INPP4B: variants seen among roughly 807,000 people sequenced by gnomAD.
The protein encoded by INPP4B is inositol polyphosphate 4-phosphatase type II.
Under a neutral mutation model 122.5 loss-of-function variants are expected in INPP4B, and 55 were observed. The observed-to-expected ratio is 0.45, with a 90% CI of 0.36 to 0.56. INPP4B has a LOEUF of 0.56. Among genes scored for constraint, INPP4B ranks in the 20% least tolerant of loss-of-function variants. The pLI is 0.00. For missense variants in INPP4B, 1,000 were observed against 1,097.7 expected (o/e 0.91, Z 1.26); for synonymous variants, 403 against 388.7 (o/e 1.04, Z -0.43).
In INPP4B at chr4:142,429,255, T is replaced by C. The variant is rs761046595; in HGVS notation, c.92-38A>G. The stretch of plus-strand genomic sequence containing the variant: ...GGAGCAAATTCAGATTTTTAAAAAA[T>C]TGAATTATCAAGAATATGTCAATAT... On this transcript the variant is annotated intron_variant, in intron 4 of 25. Transcript: ENST00000262992. 3 of 1,138,524 alleles carry C rather than the reference T, an allele frequency of 2.6e-6. No homozygotes were observed. The highest frequency in any genetic ancestry group is 1.9e-5 in the Admixed American group (1 of 52,262). The allele number at this position is 1,138,524 out of a possible 1,614,324, so 70.5% of individuals were successfully genotyped here. A position where few individuals can be genotyped will look rare whatever the true frequency, so the allele number is the denominator to read the frequency against.
In INPP4B at chr4:142,028,717, G is replaced by C; in HGVS notation, c.*65C>G. 1 of 1,507,578 alleles carries C rather than the reference G, an allele frequency of 6.6e-7. No homozygotes were observed. The highest frequency in any genetic ancestry group is 9.0e-7 in the Non-Finnish European group (1 of 1,116,072). The allele number at this position is 1,507,578 out of a possible 1,614,324, so 93.4% of individuals were successfully genotyped here. ...CATGACAATAAAAACAAACAAAAAAGACCAAGGTGAAGATTATCCAACTGA... is the reference window on the plus strand; with the variant it reads ...CATGACAATAAAAACAAACAAAAAACACCAAGGTGAAGATTATCCAACTGA... On this transcript the variant is annotated 3_prime_UTR_variant, in exon 26 of 26. Transcript: ENST00000262992.
At chr4:142,061,808 G>A (rs1008110637) in intron 25 of INPP4B, among the ~76,000 whole-genome samples, 1 of 146,496 alleles carries the variant, frequency 6.8e-6, no homozygotes, top group African/African-American at 2.6e-5. Flanking sequence ...TATTAATATA[G>A]AAAATATAAA....
At chr4:142,185,885 T>TAAAA (rs10632593) in intron 15 of INPP4B, among the ~76,000 whole-genome samples, 2,380 of 129,822 alleles carry the variant, frequency 0.018, 90 homozygotes, top group African/African-American at 0.039. Context: ...TCTCAAAACA[T>TAAAA]AAAAAAAAAA....
intron 1 of INPP4B, among the ~76,000 whole-genome samples, chr4:142,748,956 A>G (rs1304461607): frequency 1.3e-5 from 2 of 151,800 alleles, no homozygotes; most frequent in Non-Finnish European, 2.9e-5. Context: ...CCTGGCTAAC[A>G]TGGCAAAACC....
intron 1 of INPP4B, among the ~76,000 whole-genome samples, chr4:142,756,803 A>G (rs567892158): frequency 6.6e-6 from 1 of 152,236 alleles, no homozygotes; most frequent in East Asian, 1.9e-4. Flanking sequence ...GGCACATGAA[A>G]TTGAAAACAA....
chr4:142,651,000 A>C (rs1055709312), intron 2 of INPP4B, among the ~76,000 whole-genome samples: 1 of 152,230 alleles, frequency 6.6e-6, no homozygotes, highest in Non-Finnish European at 1.5e-5. Flanking sequence ...ATGCAAATGA[A>C]CAGAAATCAC....
At chr4:142,510,050 G>A (rs1034547742) in intron 2 of INPP4B, among the ~76,000 whole-genome samples, 2 of 152,118 alleles carry the variant, frequency 1.3e-5, no homozygotes, top group Non-Finnish European at 2.9e-5. Flanking sequence ...TTATTTTTAT[G>A]ATAACTTTAG....
chr4:142,584,440 C>T (rs2217017), intron 2 of INPP4B, among the ~76,000 whole-genome samples: 91,195 of 151,932 alleles, frequency 0.6, 28,787 homozygotes, highest in East Asian at 0.79. Flanking sequence ...CATTGTATCT[C>T]CTTGGGATCC....
At chr4:142,548,780 C>CAT (rs141009965) in intron 2 of INPP4B, among the ~76,000 whole-genome samples, 17,766 of 149,592 alleles carry the variant, frequency 0.12, 1,116 homozygotes, top group African/African-American at 0.15. Context: ...TGTGTGTATA[C>CAT]ATATATATAT....
chr4:142,793,359 C>T (rs1776811240), intron 1 of INPP4B, among the ~76,000 whole-genome samples: 1 of 152,078 alleles, frequency 6.6e-6, no homozygotes, highest in African/African-American at 2.4e-5. Flanking sequence ...CCAATATTTA[C>T]CCACAATAGA....
At chr4:142,689,179 G>T (rs1759793691) in intron 2 of INPP4B, among the ~76,000 whole-genome samples, 1 of 152,150 alleles carries the variant, frequency 6.6e-6, no homozygotes, top group Admixed American at 6.6e-5. Context: ...TGTCTAGGCA[G>T]CGGGCAAGGA....
rs151075198 is a variant in INPP4B, at chr4:142,234,557, C to G, written c.836+3307G>C. 2.6e-3 allele frequency among the ~76,000 whole-genome samples: 396 copies of G among 152,172 alleles called. 3 individuals are homozygous for G. The highest frequency in any genetic ancestry group is 4.4e-3 in the Non-Finnish European group (298 of 68,000). On this transcript the variant is annotated intron_variant, in intron 12 of 25. Coordinates refer to ENST00000262992, the MANE Select transcript of INPP4B (RefSeq NM_001101669.3). ...CTCCAGGAAGAATTTTAAAAATCTCCTTTTCGTTATAAAATGTTAAACATT... is the reference window on the plus strand; with the variant it reads ...CTCCAGGAAGAATTTTAAAAATCTCGTTTTCGTTATAAAATGTTAAACATT...
intron 2 of INPP4B, among the ~76,000 whole-genome samples, chr4:142,643,964 G>T (rs1164247348): frequency 1.3e-5 from 2 of 152,126 alleles, no homozygotes; most frequent in African/African-American, 4.8e-5. Context: ...GCTTTGGGAG[G>T]CTGAGGCAGG....
chr4:142,389,282 T>C (rs1172902954), intron 7 of INPP4B, among the ~76,000 whole-genome samples: 1 of 149,930 alleles, frequency 6.7e-6, no homozygotes, highest in East Asian at 1.9e-4. Flanking sequence ...ACTTAGAAAC[T>C]GGTAAATGAA....
At chr4:142,689,943 C>T (rs572167526) in intron 2 of INPP4B, among the ~76,000 whole-genome samples, 342 of 152,230 alleles carry the variant, frequency 2.2e-3, no homozygotes, top group African/African-American at 7.4e-3. Context: ...TATCTTGCAA[C>T]GTAGATAGAT....
At chr4:142,123,878 T>A (rs1797603685) in intron 19 of INPP4B, among the ~76,000 whole-genome samples, 1 of 152,068 alleles carries the variant, frequency 6.6e-6, no homozygotes, top group Non-Finnish European at 1.5e-5. Flanking sequence ...CATGAAATAG[T>A]GGGGGAAAGC....
intron 8 of INPP4B, among the ~76,000 whole-genome samples, chr4:142,311,923 T>A (rs1765645269): frequency 6.6e-6 from 1 of 152,116 alleles, no homozygotes; most frequent in South Asian, 2.1e-4. Flanking sequence ...ATGGATAGAG[T>A]CTGGTTGCTT....
At chr4:142,178,644 G>C (rs953308468) in intron 15 of INPP4B, among the ~76,000 whole-genome samples, 1 of 151,944 alleles carries the variant, frequency 6.6e-6, no homozygotes, top group African/African-American at 2.4e-5. Context: ...TGATTAACAG[G>C]CAAGGAGAAA....
At chr4:142,212,748 C>T (rs567566333) in intron 12 of INPP4B, among the ~76,000 whole-genome samples, 1 of 152,140 alleles carries the variant, frequency 6.6e-6, no homozygotes, top group Non-Finnish European at 1.5e-5. Context: ...TTCTAACTGG[C>T]AAAGTATAAG....
Sources: gnomAD v4.1 joint callset for allele counts (sites outside exome capture counted in the v4.1 genomes callset) on GRCh38, gnomAD v4.1.1 for gene constraint, MANE v1.5 for transcripts, NCBI Gene and HGNC (gene_info 2026-07-23, HGNC 2026-07-21) for gene names.